KCNJ6: variants seen among roughly 807,000 people sequenced by gnomAD.
KCNJ6 encodes potassium inwardly rectifying channel subfamily J member 6, also known as G protein-activated inward rectifier potassium channel 2.
A neutral mutation model predicts 34.2 loss-of-function variants in KCNJ6; 9 were observed. That is an observed-to-expected ratio of 0.26 (90% CI 0.16 to 0.46). The LOEUF is 0.46. Ranked by LOEUF, KCNJ6 falls within the 20% of genes least tolerant of loss-of-function variation. The pLI, the probability that KCNJ6 is intolerant of heterozygous loss-of-function variation, is 1.00. For synonymous variants in KCNJ6, 196 were observed against 207.1 expected (o/e 0.95, Z 0.46); for missense variants, 236 against 531.3 (o/e 0.44, Z 5.46).
chr21:37,864,592 A>G (rs982275507), intron 1 of KCNJ6, among the ~76,000 whole-genome samples: 3 of 152,144 alleles, frequency 2.0e-5, no homozygotes, highest in Non-Finnish European at 4.4e-5. Flanking sequence ...AGCTTCAAAT[A>G]CAAAGCTTTG....
intron 3 of KCNJ6, among the ~76,000 whole-genome samples, chr21:37,656,684 C>T (rs1232925921): frequency 1.3e-5 from 2 of 152,162 alleles, no homozygotes; most frequent in Non-Finnish European, 2.9e-5. Flanking sequence ...CTGAGCTGGA[C>T]GGTGGCTGGA....
chr21:37,760,901 G>A (rs186845411), intron 2 of KCNJ6, among the ~76,000 whole-genome samples: 82 of 152,272 alleles, frequency 5.4e-4, no homozygotes, highest in Non-Finnish European at 1.1e-3. Context: ...TGGGTCAAGA[G>A]GGGAGGGCCA....
At chr21:37,848,264 G>C (rs2055520067) in intron 1 of KCNJ6, among the ~76,000 whole-genome samples, 1 of 152,232 alleles carries the variant, frequency 6.6e-6, no homozygotes, top group Non-Finnish European at 1.5e-5. Context: ...GGGACTAGCA[G>C]ATTTGAAGAG....
At chr21:37,705,793 C>T (rs958385226) in intron 3 of KCNJ6, among the ~76,000 whole-genome samples, 12 of 152,186 alleles carry the variant, frequency 7.9e-5, no homozygotes, top group Non-Finnish European at 1.6e-4. Context: ...GCAAAGTAGC[C>T]AGCTGCAGAT....
At chr21:37,891,824 T>C (rs1008157400) in intron 1 of KCNJ6, among the ~76,000 whole-genome samples, 4 of 152,136 alleles carry the variant, frequency 2.6e-5, no homozygotes, top group African/African-American at 9.7e-5. Flanking sequence ...GCTGTTCCTG[T>C]TGGAGGTAGC....
chr21:37,873,228 T>C (rs1227014822), intron 1 of KCNJ6, among the ~76,000 whole-genome samples: 2 of 152,180 alleles, frequency 1.3e-5, no homozygotes, highest in Non-Finnish European at 2.9e-5. Context: ...TTCTTATTAA[T>C]ATCATAACAC....
chr21:37,879,677 A>G (rs1273401209), intron 1 of KCNJ6, among the ~76,000 whole-genome samples: 1 of 151,614 alleles, frequency 6.6e-6, no homozygotes, highest in Non-Finnish European at 1.5e-5. Context: ...GGAACTTGCC[A>G]GGTATCAGGA....
intron 3 of KCNJ6, among the ~76,000 whole-genome samples, chr21:37,681,176 G>A (rs1467251942): frequency 3.3e-5 from 5 of 152,204 alleles, no homozygotes; most frequent in African/African-American, 7.2e-5. Flanking sequence ...CGGTTCTCAC[G>A]ACCCTAGTCA....
At chr21:37,665,764 G>A (rs2054511215) in intron 3 of KCNJ6, among the ~76,000 whole-genome samples, 1 of 152,234 alleles carries the variant, frequency 6.6e-6, no homozygotes, top group Non-Finnish European at 1.5e-5. Flanking sequence ...GAGCGTTGCT[G>A]CTGTTTAGTA....
At chr21:37,831,553 G>C (rs2055425950) in intron 2 of KCNJ6, among the ~76,000 whole-genome samples, 1 of 126,926 alleles carries the variant, frequency 7.9e-6, no homozygotes, top group African/African-American at 3.9e-5. Context: ...GGGTGGTGAA[G>C]GAAAGCTCTT....
intron 2 of KCNJ6, among the ~76,000 whole-genome samples, chr21:37,727,329 G>C (rs1362160852): frequency 6.6e-6 from 1 of 152,190 alleles, no homozygotes; most frequent in Non-Finnish European, 1.5e-5. Flanking sequence ...TGGTGGAGTG[G>C]TGGGGTCTAA....
chr21:37,724,229 G>A (rs1050819496), intron 2 of KCNJ6, among the ~76,000 whole-genome samples: 2 of 152,110 alleles, frequency 1.3e-5, no homozygotes, highest in African/African-American at 2.4e-5. Context: ...TAGATGCAAG[G>A]GTCGGCAAGC....
chr21:37,667,330 C>T (rs918600036), intron 3 of KCNJ6, among the ~76,000 whole-genome samples: 18 of 152,046 alleles, frequency 1.2e-4, no homozygotes, highest in African/African-American at 3.4e-4. Flanking sequence ...CTGTGGGGGG[C>T]GTTTAGCAAC....
chr21:37,883,908 C>A (rs191506121), intron 1 of KCNJ6, among the ~76,000 whole-genome samples: 1 of 152,204 alleles, frequency 6.6e-6, no homozygotes, highest in East Asian at 1.9e-4. Context: ...AGGTTGGTGA[C>A]CCCAGAGGAC....
chr21:37,816,001 C>T (rs1372815689), intron 2 of KCNJ6, among the ~76,000 whole-genome samples: 1 of 152,200 alleles, frequency 6.6e-6, no homozygotes, highest in Non-Finnish European at 1.5e-5. Flanking sequence ...GCTCCCTGAA[C>T]ACCCATTTTT....
At chr21:37,903,166 C>A (rs1268146279) in intron 1 of KCNJ6, among the ~76,000 whole-genome samples, 2 of 152,158 alleles carry the variant, frequency 1.3e-5, no homozygotes, top group Non-Finnish European at 2.9e-5. Flanking sequence ...TATCCCCACC[C>A]AAATCCCACC....
chr21:37,818,207 CGTGCGTGTGTGTGT>C (rs1360681345), intron 2 of KCNJ6, among the ~76,000 whole-genome samples: 282 of 81,004 alleles, frequency 3.5e-3, no homozygotes, highest in Admixed American at 6.7e-3. Flanking sequence ...TGTGTGTGTG[CGTGCGTGTGTGTGT>C]GTGTGTGTGT....
chr21:37,817,846 AGGTACAACAGAGTG>A (rs1473040584), intron 2 of KCNJ6, among the ~76,000 whole-genome samples: 2 of 152,256 alleles, frequency 1.3e-5, no homozygotes, highest in Non-Finnish European at 2.9e-5. Context: ...TGACCCACAC[AGGTACAACAGAGTG>A]GGTACAACAG....
intron 3 of KCNJ6, among the ~76,000 whole-genome samples, chr21:37,631,133 A>G (rs2054331812): frequency 6.6e-6 from 1 of 152,110 alleles, no homozygotes; most frequent in African/African-American, 2.4e-5. Flanking sequence ...TCTTATTTCC[A>G]TATTCCTTAG....
Sources: allele counts gnomAD v4.1 joint callset (sites outside exome capture counted in the v4.1 genomes callset), GRCh38; gene constraint gnomAD v4.1.1; transcripts MANE v1.5; gene names NCBI Gene and HGNC (gene_info 2026-07-23, HGNC 2026-07-21).